SAFB2: variants seen among roughly 807,000 people sequenced by gnomAD.
SAFB2 encodes the protein scaffold attachment factor B2.
Under a neutral mutation model 100.6 loss-of-function variants are expected in SAFB2, and 32 were observed. The ratio of observed to expected loss-of-function variants is 0.32; its 90% CI spans 0.24 to 0.43. SAFB2 has a LOEUF of 0.43. Among genes scored for constraint, SAFB2 ranks in the 20% least tolerant of loss-of-function variants. The pLI, the probability that SAFB2 is intolerant of heterozygous loss-of-function variation, is 1.00. For synonymous variants in SAFB2, 500 were observed against 439.4 expected (o/e 1.14, Z -1.72); for missense variants, 1,185 against 1,163.4 (o/e 1.02, Z -0.27).
At chr19:5,606,533 G>A (rs1035666462) in intron 9 of SAFB2, among the ~76,000 whole-genome samples, 2 of 152,136 alleles carry the variant, frequency 1.3e-5, no homozygotes, top group Non-Finnish European at 2.9e-5. Flanking sequence ...AGGCTGAGGT[G>A]AGAGGATCGC....
Position 5,613,511 on chromosome 19 carries a change from A to T in SAFB2, c.560T>A (p.Phe187Tyr), listed in dbSNP as rs142234147. Residue 187 changes from phenylalanine to tyrosine, a missense_variant, in exon 5 of 21, where the codon TTT becomes TAT. Coordinates refer to ENST00000252542, the MANE Select transcript of SAFB2 (RefSeq NM_014649.3). ...CGATGAAGTTTCCAAAGTGTTCTTA[A>T]ATCCTTCCCCATCCACCTGAAAAAC... ...PPEHAVDGEGFKNTLETSSLN... is the reference protein window; with the variant it reads ...PPEHAVDGEGYKNTLETSSLN... The T allele has an allele frequency of 1.9e-6, 3 of 1,613,946 alleles. No homozygotes were observed. The African/African-American group carries it at 4.0e-5, about 22-fold the overall frequency.
rs1301494450 is a variant in SAFB2 at position 5,622,598 on chromosome 19, C to T, written c.118G>A (p.Ala40Thr). ...TCCAGGTTCCGCTTCTTCAGCTCCG[C>T]CCGCAGATCGATCACCCGCAGCTCG... The part of the protein sequence containing the change: ...LSELRVIDLR[A>T]ELKKRNLDTG... Residue 40 changes from alanine to threonine, a missense_variant, in exon 1 of 21, where the codon GCG (alanine) becomes ACG (threonine). Physicochemically the swap from Ala to Thr is moderately conservative, Grantham distance 58. This residue lies in a region of SAFB2 where 351 missense variants were observed against 341.2 expected (regional missense o/e 1.03). Transcript: ENST00000252542. 1 of 1,613,482 alleles carries T rather than the reference C, an allele frequency of 6.2e-7. No individual in the cohort carries two copies. The highest frequency in any genetic ancestry group is 1.3e-5 in the African/African-American group (1 of 75,024).
At chr19:5,599,154 G>A (rs943038559) in intron 12 of SAFB2, among the ~76,000 whole-genome samples, 3 of 152,048 alleles carry the variant, frequency 2.0e-5, no homozygotes, top group Non-Finnish European at 2.9e-5. Context: ...CACAAGCACG[G>A]CCATCCTGCA....
At chr19:5,606,248 C>A (rs806704) in intron 9 of SAFB2, among the ~76,000 whole-genome samples, 103,823 of 152,082 alleles carry the variant, frequency 0.68, 35,751 homozygotes, top group East Asian at 0.87. Flanking sequence ...TCAGCTGTGT[C>A]CCAGAAAAAA....
Position 5,592,757 on chromosome 19 carries a change from C to A in SAFB2, c.2338G>T (p.Ala780Ser). The A allele has an allele frequency of 1.2e-6, 2 of 1,614,062 alleles. No individual in the cohort carries two copies. Among genetic ancestry groups the A allele is most frequent in the Non-Finnish European group, 1.7e-6 (2 of 1,179,998 alleles). The change falls in exon 16 of 21, where the codon GCC (alanine) becomes TCC (serine). Residue 780 changes from alanine (A) to serine (S), a missense_variant. Transcript: ENST00000252542. ...GACAAGACCACTGACCTGTCGATGGCGTGGTCCTGGTACTGGCCCCGGTCT... is the reference window on the plus strand; with the variant it reads ...GACAAGACCACTGACCTGTCGATGGAGTGGTCCTGGTACTGGCCCCGGTCT... ...HRDRGQYQDHAIDRREGSRPM... is the reference protein window; with the variant it reads ...HRDRGQYQDHSIDRREGSRPM...
At chr19:5,613,872 C>T (rs996604557) in intron 4 of SAFB2, 1 of 390,752 alleles carries the variant, frequency 2.6e-6, no homozygotes, top group Non-Finnish European at 3.5e-6. Context: ...ATAAAATGCA[C>T]CCCTCCAATT....
intron 1 of SAFB2, among the ~76,000 whole-genome samples, 185 bp downstream of exon 1, chr19:5,622,345 C>G (rs2053179305): frequency 6.6e-6 from 1 of 152,302 alleles, no homozygotes; most frequent in South Asian, 2.1e-4. Context: ...AAGGGAGGCA[C>G]AGAGAGGAGC....
intron 9 of SAFB2, among the ~76,000 whole-genome samples, chr19:5,605,864 A>C (rs2052763644): frequency 6.6e-6 from 1 of 152,178 alleles, no homozygotes; most frequent in African/African-American, 2.4e-5. Context: ...GACAGCACTG[A>C]GATTCTGAGA....
chr19:5,618,062 C>T (rs806708), intron 2 of SAFB2, among the ~76,000 whole-genome samples: 104,171 of 152,032 alleles, frequency 0.69, 36,015 homozygotes, highest in East Asian at 0.87. Flanking sequence ...GAGGATGCTC[C>T]GAGCCTGAGA....
intron 11 of SAFB2, among the ~76,000 whole-genome samples, chr19:5,603,403 C>T (rs751922942): frequency 4.8e-4 from 73 of 152,184 alleles, no homozygotes; most frequent in African/African-American, 1.6e-3. Context: ...GCGTTGACAA[C>T]GTAAACTTAA....
At chr19:5,615,554 A>AAG (rs1394289165) in intron 4 of SAFB2, among the ~76,000 whole-genome samples, 1 of 151,680 alleles carries the variant, frequency 6.6e-6, no homozygotes, top group East Asian at 1.9e-4. Flanking sequence ...AAAAAAAAAA[A>AAG]ATTTTTTTTT....
intron 1 of SAFB2, 31 bp downstream of exon 1, chr19:5,622,499 T>TGCGCCACCCCCGAGCCCC (rs1359424762): frequency 6.5e-7 from 1 of 1,539,416 alleles, no homozygotes; most frequent in Admixed American, 1.9e-5. Flanking sequence ...CCGGGCCTCC[T>TGCGCCACCCCCGAGCCCC]GCGCCACCCC....
chr19:5,621,999 G>A (rs2145369566), intron 1 of SAFB2, among the ~76,000 whole-genome samples: 1 of 152,358 alleles, frequency 6.6e-6, no homozygotes, highest in Non-Finnish European at 1.5e-5. Flanking sequence ...CAGCGCATTA[G>A]GAAGGGCGCT....
intron 2 of SAFB2, among the ~76,000 whole-genome samples, chr19:5,618,172 A>G (rs942844766): frequency 6.6e-6 from 1 of 152,100 alleles, no homozygotes; most frequent in Non-Finnish European, 1.5e-5. Context: ...AATCAAACAG[A>G]AAAAAATACA....
At chr19:5,593,772 C>T in intron 15 of SAFB2, 119 bp downstream of exon 15, 4 of 1,120,130 alleles carry the variant, frequency 3.6e-6, no homozygotes, top group Non-Finnish European at 4.8e-6. Context: ...GCGCATGCTC[C>T]ATATCAAATT....
intron 6 of SAFB2, chr19:5,611,960 A>G (rs923979517): frequency 2.0e-5 from 9 of 450,204 alleles, no homozygotes; most frequent in African/African-American, 1.8e-4. Flanking sequence ...AAGGTGCTGA[A>G]CCGAATGCAA....
intron 18 of SAFB2, among the ~76,000 whole-genome samples, chr19:5,589,830 G>T (rs934043507): frequency 6.6e-6 from 1 of 152,114 alleles, no homozygotes; most frequent in Non-Finnish European, 1.5e-5. Context: ...GATTCTAATA[G>T]GCAGGATAGG....
chr19:5,611,903 C>T (rs965974662), intron 6 of SAFB2: 5 of 563,662 alleles, frequency 8.9e-6, no homozygotes, highest in African/African-American at 3.8e-5. Context: ...TAGTCTTCTT[C>T]GAGTTTTTGT....
At chr19:5,622,319 G>A (rs1230626127) in intron 1 of SAFB2, among the ~76,000 whole-genome samples, 1 of 152,196 alleles carries the variant, frequency 6.6e-6, no homozygotes, top group Admixed American at 6.5e-5. Flanking sequence ...AGGAGAAAAG[G>A]TGGAAAGAGG....
Sources: allele counts gnomAD v4.1 joint callset (sites outside exome capture counted in the v4.1 genomes callset), GRCh38; gene constraint gnomAD v4.1.1; regional missense constraint gnomAD v4.1.1; transcripts MANE v1.5; gene names NCBI Gene and HGNC (gene_info 2026-07-23, HGNC 2026-07-21).